Variants in SEC24D observed in about 807,000 individuals in gnomAD.
The protein encoded by SEC24D is protein transport protein Sec24D.
A neutral mutation model predicts 116.9 loss-of-function variants in SEC24D; 69 were observed. The ratio of observed to expected loss-of-function variants is 0.59; its 90% CI spans 0.49 to 0.72. The LOEUF is 0.72. SEC24D is among the 30% of genes least tolerant of loss of function. The pLI is 0.00. For synonymous variants in SEC24D, 405 were observed against 442.8 expected (o/e 0.91, Z 1.07); for missense variants, 1,131 against 1,264.1 (o/e 0.89, Z 1.60).
intron 10 of SEC24D, among the ~76,000 whole-genome samples, chr4:118,761,235 A>G (rs1727366040): frequency 1.3e-5 from 2 of 152,158 alleles, no homozygotes; most frequent in Admixed American, 6.5e-5. Context: ...AGCACAGAGC[A>G]TGGCACCACA....
chr4:118,830,484 CAG>C (rs1403964321), intron 2 of SEC24D, among the ~76,000 whole-genome samples: 3 of 152,050 alleles, frequency 2.0e-5, no homozygotes, highest in African/African-American at 7.2e-5. Context: ...TGGTAAATAC[CAG>C]AGTGTTTTGC....
At chr4:118,816,308 T>C (rs1279256546) in intron 4 of SEC24D, among the ~76,000 whole-genome samples, 1 of 152,332 alleles carries the variant, frequency 6.6e-6, no homozygotes, top group Non-Finnish European at 1.5e-5. Context: ...CTCAGTTGTG[T>C]AATTACATGA....
intron 8 of SEC24D, among the ~76,000 whole-genome samples, chr4:118,790,338 A>G (rs547354778): frequency 3.3e-5 from 5 of 152,320 alleles, no homozygotes; most frequent in Admixed American, 2.0e-4. Flanking sequence ...TAATTAGACT[A>G]TGCACTTGTC....
At chr4:118,734,687 A>T (rs1725865157) in intron 19 of SEC24D, among the ~76,000 whole-genome samples, 2 of 152,216 alleles carry the variant, frequency 1.3e-5, no homozygotes, top group African/African-American at 2.4e-5. Context: ...TAACCGTCTC[A>T]GGCAAACGTA....
chr4:118,780,906 G>GATTTT (rs1728368824), intron 8 of SEC24D, among the ~76,000 whole-genome samples: 11 of 106,072 alleles, frequency 1.0e-4, no homozygotes, highest in South Asian at 3.4e-4. Context: ...TGCAACCCCT[G>GATTTT]CTTTTTTTTT....
Position 118,731,335 on chromosome 4 carries a change from G to A in SEC24D, c.2849C>T (p.Ala950Val), listed in dbSNP as rs752815989. 3 of 1,613,566 alleles carry A rather than the reference G, an allele frequency of 1.9e-6. No individual in the cohort carries two copies. The highest frequency in any genetic ancestry group is 2.2e-5 in the South Asian group (2 of 91,072). Residue 950 changes from alanine to valine, a missense_variant, in exon 21 of 23, where the codon GCA becomes GTA. Ala to Val is a moderately conservative substitution (Grantham distance 64). Coordinates refer to ENST00000280551, the MANE Select transcript of SEC24D (RefSeq NM_014822.4). ...IQGIFNVPSF[A>V]HINTDMTLLP... ...ACTTACCATATCTGTGTTGATATGT[G>A]CAAAAGATGGCACATTAAATATTCC...
At chr4:118,830,017 G>T (rs1218647165) in intron 2 of SEC24D, among the ~76,000 whole-genome samples, 1 of 152,220 alleles carries the variant, frequency 6.6e-6, no homozygotes, top group Non-Finnish European at 1.5e-5. Flanking sequence ...GGCTAGACAA[G>T]AAGACACAGG....
rs1730105655 is a variant in SEC24D at position 118,815,518 on chromosome 4, TGGA to T, written c.603_605del (p.Pro202del). The T allele has an allele frequency of 6.2e-7, 1 of 1,614,108 alleles. No homozygotes were observed. The highest frequency in any genetic ancestry group is 1.3e-5 in the African/African-American group (1 of 75,014). ...GAGGTGGGGGCTGGTACTGGGCATT[TGGA>T]GGAGGAGGCCCAGAGAGCCCATCTG... On this transcript the variant is annotated inframe_deletion, in exon 5 of 23. Transcript: ENST00000280551.
At chr4:118,795,254 GAGCCAAGATTATCAC>G (rs944089052) in intron 8 of SEC24D, among the ~76,000 whole-genome samples, 1 of 144,780 alleles carries the variant, frequency 6.9e-6, no homozygotes, top group Non-Finnish European at 1.5e-5. Flanking sequence ...CCAATCTTGT[GAGCCAAGATTATCAC>G]ATAATCTTGG....
chr4:118,799,418 C>G (rs900483391), intron 7 of SEC24D, among the ~76,000 whole-genome samples: 1 of 152,118 alleles, frequency 6.6e-6, no homozygotes, highest in Admixed American at 6.5e-5. Context: ...CACAGTCATA[C>G]AGCAATGCTG....
In SEC24D at chr4:118,815,064, G is replaced by A. The variant is rs763583675; in HGVS notation, c.765C>T (p.Pro255=). ...GPAQMAGPPQ[P]QKKLDPDSIP... ...TAGAGTCAGGATCCAGCTTCTTCTG[G>A]GGCTGTGGCGGACCAGCCATCTGTG... Residue 255 remains proline (P), a synonymous_variant, in exon 6 of 23, where the codon CCC becomes CCT. Coordinates refer to ENST00000280551, the MANE Select transcript of SEC24D (RefSeq NM_014822.4). 1 of 1,614,120 alleles carries A rather than the reference G, an allele frequency of 6.2e-7. No homozygotes were observed. The highest frequency in any genetic ancestry group is 8.5e-7 in the Non-Finnish European group (1 of 1,180,008).
At chr4:118,751,891 G>T in intron 13 of SEC24D, 105 bp downstream of exon 13, 3 of 821,920 alleles carry the variant, frequency 3.6e-6, no homozygotes, top group Non-Finnish European at 4.0e-6. Flanking sequence ...AGTGACCCAC[G>T]TTTTAATGAA....
rs1324486850 is a variant in SEC24D, at chr4:118,722,994, G to C, written c.*521C>G. On this transcript the variant is annotated 3_prime_UTR_variant, in exon 23 of 23. Transcript: ENST00000280551. The stretch of plus-strand genomic sequence containing the variant: ...AATATATAATTATGAAAAAAATGTA[G>C]AACACATATTGTTCTACCAGATAAA... 1 of 152,398 alleles carries C rather than the reference G, an allele frequency of 6.6e-6. No individual in the cohort carries two copies. The highest frequency in any genetic ancestry group is 6.6e-5 in the Admixed American group (1 of 15,260). 9.4% of individuals were successfully genotyped at this position (152,398 alleles called of 1,614,324 possible).
At chr4:118,772,909 C>T (rs1727967918) in intron 8 of SEC24D, among the ~76,000 whole-genome samples, 1 of 152,094 alleles carries the variant, frequency 6.6e-6, no homozygotes, top group African/African-American at 2.4e-5. Context: ...TAAGTAATGT[C>T]ATACCCACCC....
intron 8 of SEC24D, among the ~76,000 whole-genome samples, chr4:118,793,263 A>C (rs6534107): frequency 0.62 from 93,421 of 149,516 alleles, 30,707 homozygotes; most frequent in Non-Finnish European, 0.72. Flanking sequence ...GTCAGGAGAT[A>C]GAGACCATCC....
intron 20 of SEC24D, 51 bp downstream of exon 20, chr4:118,732,682 A>C (rs1433467424): frequency 6.5e-7 from 1 of 1,544,428 alleles, no homozygotes; most frequent in South Asian, 1.2e-5. Context: ...AGCACAAAAT[A>C]TGATTCCCTT....
chr4:118,732,296 C>T (rs1231559970), intron 20 of SEC24D, among the ~76,000 whole-genome samples: 1 of 151,956 alleles, frequency 6.6e-6, no homozygotes, highest in African/African-American at 2.4e-5. Context: ...ACCACCACGC[C>T]CGGCTAATTT....
At chr4:118,780,729 T>C (rs528196590) in intron 8 of SEC24D, among the ~76,000 whole-genome samples, 32 of 152,242 alleles carry the variant, frequency 2.1e-4, no homozygotes, top group Non-Finnish European at 4.0e-4. Context: ...AGTCTCTTTT[T>C]AGGTGTCTAA....
At chr4:118,783,995 G>A (rs1181189246) in intron 8 of SEC24D, among the ~76,000 whole-genome samples, 1 of 152,216 alleles carries the variant, frequency 6.6e-6, no homozygotes, top group African/African-American at 2.4e-5. Context: ...TTGAGCTCAG[G>A]AGATCAAGAC....
Sources: allele counts gnomAD v4.1 joint callset (sites outside exome capture counted in the v4.1 genomes callset), GRCh38; gene constraint gnomAD v4.1.1; transcripts MANE v1.5; gene names NCBI Gene and HGNC (gene_info 2026-07-23, HGNC 2026-07-21).